MYH10: variants seen among roughly 807,000 people sequenced by gnomAD.
The protein encoded by MYH10 is myosin heavy chain 10, also known as myosin-10.
MYH10 carries 55 observed loss-of-function variants against 257.8 expected under a neutral mutation model. The ratio of observed to expected loss-of-function variants is 0.21; its 90% CI spans 0.17 to 0.27. The LOEUF is 0.27. MYH10 is among the 10% of genes least tolerant of loss of function. The pLI, the probability that MYH10 is intolerant of heterozygous loss-of-function variation, is 1.00. For missense variants in MYH10, 1,631 were observed against 2,500.6 expected (o/e 0.65, Z 7.42); for synonymous variants, 854 against 921.7 (o/e 0.93, Z 1.33).
At chr17:8,489,209 C>T (rs563413561) in intron 35 of MYH10, among the ~76,000 whole-genome samples, 1 of 152,226 alleles carries the variant, frequency 6.6e-6, no homozygotes, top group East Asian at 1.9e-4. Flanking sequence ...GTCAGGCCTT[C>T]GAATTATGCA....
At chr17:8,586,166 C>T (rs1375578208) in intron 4 of MYH10, among the ~76,000 whole-genome samples, 1 of 152,202 alleles carries the variant, frequency 6.6e-6, no homozygotes, top group Non-Finnish European at 1.5e-5. Context: ...ACCAAGAGAA[C>T]CCTCCATACT....
rs1314665625 is a variant in MYH10 at position 8,580,398 on chromosome 17, TA to T, written c.531-3061del. Among the ~76,000 whole-genome samples the T allele has an allele frequency of 8.0e-4, 120 of 150,404 alleles. 1 individual carries two copies. Among genetic ancestry groups the T allele is most frequent in the African/African-American group, 2.6e-3 (103 of 39,980 alleles). ...AGTTAAGTGGTATCAATATTCATCTTATTTTTTTTTTTTTTAGGAGAAATGA... is the reference window on the plus strand; with the variant it reads ...AGTTAAGTGGTATCAATATTCATCTTTTTTTTTTTTTTTTAGGAGAAATGA... On this transcript the variant is annotated intron_variant, in intron 4 of 42. Transcript: ENST00000360416.
intron 17 of MYH10, among the ~76,000 whole-genome samples, chr17:8,523,727 G>T (rs1343498292): frequency 6.6e-6 from 1 of 152,198 alleles, no homozygotes; most frequent in Non-Finnish European, 1.5e-5. Flanking sequence ...GAGGGCAGCT[G>T]GAGCTAGTGA....
intron 35 of MYH10, among the ~76,000 whole-genome samples, chr17:8,489,163 G>A (rs1915346501): frequency 6.6e-6 from 1 of 152,100 alleles, no homozygotes; most frequent in Admixed American, 6.5e-5. Context: ...CTGACACCAT[G>A]TGTGTGAGTC....
chr17:8,495,744 C>G (rs951452242), intron 30 of MYH10, among the ~76,000 whole-genome samples: 1 of 151,926 alleles, frequency 6.6e-6, no homozygotes, highest in African/African-American at 2.4e-5. Context: ...TAGTCTCACC[C>G]TGTCGCCCTG....
At chr17:8,620,216 A>G (rs9905299) in intron 2 of MYH10, among the ~76,000 whole-genome samples, 53,671 of 152,134 alleles carry the variant, frequency 0.35, 11,337 homozygotes, top group African/African-American at 0.6. Flanking sequence ...TATATGAACA[A>G]TATTCTGTGA....
chr17:8,617,963 G>A (rs966219772), intron 2 of MYH10, among the ~76,000 whole-genome samples: 4 of 152,034 alleles, frequency 2.6e-5, no homozygotes, highest in South Asian at 2.1e-4. Context: ...CATTTCTTAC[G>A]AAAAATAACT....
At chr17:8,514,136 G>C (rs1268155175) in intron 21 of MYH10, among the ~76,000 whole-genome samples, 2 of 152,180 alleles carry the variant, frequency 1.3e-5, no homozygotes, top group Non-Finnish European at 2.9e-5. Context: ...ACTTTCTTCA[G>C]GGACGCTGCC....
At chr17:8,589,549 A>G (rs1191266965) in intron 3 of MYH10, among the ~76,000 whole-genome samples, 4 of 152,310 alleles carry the variant, frequency 2.6e-5, no homozygotes, top group Middle Eastern at 3.4e-3. Flanking sequence ...CCAGATTTGG[A>G]AACCACGGCC....
intron 35 of MYH10, among the ~76,000 whole-genome samples, chr17:8,489,729 A>ACACACACACACACACACC: frequency 6.6e-6 from 1 of 151,772 alleles, no homozygotes; most frequent in South Asian, 2.1e-4. Flanking sequence ...ACACACACAC[A>ACACACACACACACACACC]CACACACACA....
intron 2 of MYH10, among the ~76,000 whole-genome samples, chr17:8,612,931 G>A (rs1328732659): frequency 1.3e-5 from 2 of 152,086 alleles, no homozygotes; most frequent in African/African-American, 2.4e-5. Context: ...TACCATTTGT[G>A]GTTTCAGGCA....
In MYH10 at chr17:8,506,701, T is replaced by C. The variant is rs1351954557; in HGVS notation, c.3215-212A>G. On this transcript the variant is annotated intron_variant, in intron 26 of 42. Transcript: ENST00000360416. The surrounding 1 kb of genome is among the most constrained non-coding windows in gnomAD (Gnocchi z 5.0). ...GAGATAAATTAGTGTGGGGAGGGAA[T>C]TTTAAGGAAGAAGTTGAGTGTCCTA... 1.3e-5 allele frequency among the ~76,000 whole-genome samples: 2 copies of C among 151,098 alleles called. No individual in the cohort carries two copies. The highest frequency in any genetic ancestry group is 2.9e-5 in the Non-Finnish European group (2 of 67,906).
chr17:8,575,020 C>T lies in MYH10; in HGVS notation c.663+1623G>A, dbSNP rs533011713. Among the ~76,000 whole-genome samples the T allele has an allele frequency of 8.5e-5, 13 of 152,312 alleles. No homozygotes were observed. The East Asian group carries it at 1.9e-3, about 23-fold the overall frequency. Reference sequence around the variant, plus strand: ...CATCAGCATAGCTACTGCTTAACTACGATTAAAATCAACTTGGGAAAAGCA... The same window carrying T: ...CATCAGCATAGCTACTGCTTAACTATGATTAAAATCAACTTGGGAAAAGCA... On this transcript the variant is annotated intron_variant, in intron 6 of 42. Coordinates refer to ENST00000360416, the MANE Select transcript of MYH10 (RefSeq NM_001256012.3).
intron 17 of MYH10, among the ~76,000 whole-genome samples, chr17:8,525,035 C>G (rs562404412): frequency 3.3e-5 from 5 of 152,230 alleles, no homozygotes; most frequent in Non-Finnish European, 7.3e-5. Flanking sequence ...GAAGGCACCT[C>G]TCTTGTCCCT....
intron 30 of MYH10, among the ~76,000 whole-genome samples, chr17:8,498,335 A>G (rs1916988443): frequency 6.6e-6 from 1 of 152,086 alleles, no homozygotes. Flanking sequence ...AGATTTTGGT[A>G]TCTGCAGGAG....
At chr17:8,546,705 CA>C in intron 11 of MYH10, 43 bp from the exon 12 acceptor site, 1 of 1,403,288 alleles carries the variant, frequency 7.1e-7, no homozygotes, top group Non-Finnish European at 1.0e-6. Context: ...TTTTTACTTA[CA>C]ATCTACTCAC....
rs530937889 is a variant in MYH10, at chr17:8,489,229, G to A, written c.4884+1111C>T. On this transcript the variant is annotated intron_variant, in intron 35 of 42. Coordinates refer to ENST00000360416, the MANE Select transcript of MYH10 (RefSeq NM_001256012.3). The stretch of plus-strand genomic sequence containing the variant: ...GCCTTCGAATTATGCAGCCAGGGCC[G>A]AGGTCCTTACTGTACCAGAACCACT... Among the ~76,000 whole-genome samples the A allele has an allele frequency of 1.5e-3, 232 of 152,202 alleles. 1 individual carries two copies. Among genetic ancestry groups the A allele is most frequent in the African/African-American group, 3.1e-3 (127 of 41,528 alleles).
At chr17:8,479,419 C>G (rs944859072) in intron 40 of MYH10, among the ~76,000 whole-genome samples, 5 of 152,212 alleles carry the variant, frequency 3.3e-5, no homozygotes, top group African/African-American at 9.6e-5. Flanking sequence ...TAGAGACAGT[C>G]AGCTGAAAGG....
chr17:8,573,892 A>T (rs985705390), intron 6 of MYH10: 1 of 837,676 alleles, frequency 1.2e-6, no homozygotes, highest in Admixed American at 6.2e-5. Context: ...TAATAAAAAC[A>T]CAGACAATGC....
Sources: allele counts gnomAD v4.1 joint callset (sites outside exome capture counted in the v4.1 genomes callset), GRCh38; gene constraint gnomAD v4.1.1; non-coding constraint Gnocchi (gnomAD v3.1); transcripts MANE v1.5; gene names NCBI Gene and HGNC (gene_info 2026-07-23, HGNC 2026-07-21).